Variants in ABAT observed in about 807,000 individuals in gnomAD.
ABAT encodes 4-aminobutyrate aminotransferase, mitochondrial.
Under a neutral mutation model 64.6 loss-of-function variants are expected in ABAT, and 45 were observed. The ratio of observed to expected loss-of-function variants is 0.70; its 90% CI spans 0.55 to 0.89. The LOEUF (loss-of-function observed/expected upper bound fraction) is 0.89, where lower values mean the gene tolerates loss of function less well. Ranked by LOEUF, ABAT falls within the 40% of genes least tolerant of loss-of-function variation. ABAT has a pLI of 0.00. For synonymous variants in ABAT, 297 were observed against 250.5 expected (o/e 1.19, Z -1.75); for missense variants, 633 against 658.4 (o/e 0.96, Z 0.42).
chr16:8,683,303 G>C (rs986109952), intron 1 of ABAT: 6 of 153,362 alleles, frequency 3.9e-5, no homozygotes, highest in African/African-American at 1.4e-4. Flanking sequence ...GGGAGGCTGA[G>C]GCAAGAGGAT....
chr16:8,691,303 C>G (rs1216242066), intron 1 of ABAT, among the ~76,000 whole-genome samples: 1 of 152,188 alleles, frequency 6.6e-6, no homozygotes, highest in Non-Finnish European at 1.5e-5. Context: ...TCCTCAGAAA[C>G]CAAGTGAGGG....
chr16:8,744,018 C>T (rs1379637056), intron 2 of ABAT, among the ~76,000 whole-genome samples: 1 of 152,118 alleles, frequency 6.6e-6, no homozygotes, highest in Non-Finnish European at 1.5e-5. Flanking sequence ...GTTTCAGCAA[C>T]ATGTGGAGCT....
intron 11 of ABAT, among the ~76,000 whole-genome samples, chr16:8,770,008 T>C (rs1039046935): frequency 3.3e-5 from 5 of 152,178 alleles, no homozygotes; most frequent in African/African-American, 1.2e-4. Flanking sequence ...GATAATGGCA[T>C]CAAGTACAGC....
chr16:8,740,138 C>G (rs1183826423), intron 2 of ABAT, among the ~76,000 whole-genome samples: 1 of 152,062 alleles, frequency 6.6e-6, no homozygotes, highest in South Asian at 2.1e-4. Context: ...TTGCCAGAGC[C>G]ACAGAGCTGA....
chr16:8,683,195 G>A (rs1366620086), intron 1 of ABAT: 3 of 152,216 alleles, frequency 2.0e-5, no homozygotes, highest in Non-Finnish European at 4.4e-5. Context: ...AAAGCAGAGT[G>A]GAGATCACTC....
At chr16:8,713,800 T>G in intron 1 of ABAT, 2 of 454,014 alleles carry the variant, frequency 4.4e-6, no homozygotes, top group Admixed American at 2.4e-5. Flanking sequence ...CTCTGCAGAA[T>G]GGCATACAGA....
intron 1 of ABAT, among the ~76,000 whole-genome samples, chr16:8,691,547 C>A (rs2057582082): frequency 6.6e-6 from 1 of 152,124 alleles, no homozygotes; most frequent in Admixed American, 6.5e-5. Context: ...TCAAGCAATT[C>A]TCCTGCCTCA....
At chr16:8,681,011 C>G (rs1162777839) in intron 1 of ABAT, among the ~76,000 whole-genome samples, 1 of 149,906 alleles carries the variant, frequency 6.7e-6, no homozygotes, top group Non-Finnish European at 1.5e-5. Context: ...AGAGTCTCAC[C>G]CTGTCTGTCA....
At position 8,776,237 on chromosome 16, in the gene ABAT, G is replaced by C; in HGVS notation, c.1123-107G>C. The C allele has an allele frequency of 1.3e-6, 2 of 1,494,024 alleles. No homozygotes were observed. The highest frequency in any genetic ancestry group is 1.9e-6 in the Non-Finnish European group (2 of 1,080,348). The allele number at this position is 1,494,024 out of a possible 1,614,324, so 92.5% of individuals were successfully genotyped here. ...GCCAGCCTCTGGTAGATGCCCACTA[G>C]ATTAGTTTCTCTCCTCTTCAAGAGA... On this transcript the variant is annotated intron_variant, in intron 13 of 15. Coordinates refer to ENST00000268251, the MANE Select transcript of ABAT (RefSeq NM_020686.6). The surrounding 1 kb of genome is among the most constrained non-coding windows in gnomAD (Gnocchi z 4.4).
intron 1 of ABAT, among the ~76,000 whole-genome samples, chr16:8,676,068 C>T (rs74009734): frequency 0.071 from 10,716 of 151,982 alleles, 541 homozygotes; most frequent in Admixed American, 0.13. Context: ...GAGCTCTTCT[C>T]TGGTGGGTCA....
rs1377252211 is a variant in ABAT, at chr16:8,733,051, T to TGGGGCGGCTGGC, written c.-41-2647_-41-2636dup. ...CTGATCCCCCCACCTCCCTCCCGGA[T>TGGGGCGGCTGGC]GGGGCGGCTGGCCGGGCGGGGGGCT... On this transcript the variant is annotated intron_variant, in intron 1 of 15. Transcript: ENST00000268251. Among the ~76,000 whole-genome samples the TGGGGCGGCTGGC allele has an allele frequency of 9.5e-3, 1,249 of 130,802 alleles. 91 individuals carry two copies. Among genetic ancestry groups the TGGGGCGGCTGGC allele is most frequent in the African/African-American group, 0.039 (1,188 of 30,208 alleles). 85.8% of individuals were successfully genotyped at this position (130,802 alleles called of 152,430 possible). A position where few individuals can be genotyped will look rare whatever the true frequency, so the allele number is the denominator to read the frequency against.
chr16:8,773,266 C>A (rs1399805105), intron 12 of ABAT, among the ~76,000 whole-genome samples: 1 of 152,054 alleles, frequency 6.6e-6, no homozygotes, highest in Non-Finnish European at 1.5e-5. Context: ...ATTCTCCTAC[C>A]TCAGCCTCCC....
In ABAT at chr16:8,745,501, A is replaced by C. The variant is rs542722451; in HGVS notation, c.71-500A>C. Among the ~76,000 whole-genome samples the C allele has an allele frequency of 3.5e-3, 529 of 152,142 alleles. 8 individuals are homozygous for C. Among genetic ancestry groups the C allele is most frequent in the African/African-American group, 0.012 (506 of 41,502 alleles). ...TGCTTGAGCCCAGGAGTTTGAGGCC[A>C]GCCTGGGCAACATGGCGAAACCCCG... On this transcript the variant is annotated intron_variant, in intron 2 of 15. Coordinates refer to ENST00000268251, the MANE Select transcript of ABAT (RefSeq NM_020686.6).
intron 10 of ABAT, 45 bp from the exon 11 acceptor site, chr16:8,768,780 G>A (rs1406098817): frequency 4.3e-6 from 7 of 1,613,152 alleles, no homozygotes; most frequent in Admixed American, 1.7e-5. Context: ...GGTACTGCCT[G>A]CTTCCCCAAG....
intron 1 of ABAT, among the ~76,000 whole-genome samples, chr16:8,688,716 G>A (rs1355982966): frequency 6.6e-6 from 1 of 152,122 alleles, no homozygotes; most frequent in African/African-American, 2.4e-5. Context: ...GCCTCCTGAA[G>A]TGCCGGGATT....
chr16:8,734,491 C>T lies in ABAT; in HGVS notation c.-41-1208C>T, dbSNP rs79763570. On this transcript the variant is annotated intron_variant, in intron 1 of 15. Coordinates refer to ENST00000268251, the MANE Select transcript of ABAT (RefSeq NM_020686.6). ...CTCTGGGGTCACACACATGTGAGTT[C>T]GGCTTTCAGATCCACCACTTAACCT... Among the ~76,000 whole-genome samples the T allele has an allele frequency of 4.4e-3, 667 of 152,264 alleles. 6 individuals carry two copies. The highest frequency in any genetic ancestry group is 0.015 in the African/African-American group (641 of 41,544).
chr16:8,710,703 A>G (rs1351474568), intron 1 of ABAT, among the ~76,000 whole-genome samples: 2 of 134,074 alleles, frequency 1.5e-5, no homozygotes, highest in Non-Finnish European at 3.3e-5. Flanking sequence ...ACAGAGAGAG[A>G]GAGAGAGAGA....
intron 11 of ABAT, among the ~76,000 whole-genome samples, chr16:8,769,716 G>T (rs1225800509): frequency 6.6e-6 from 1 of 152,226 alleles, no homozygotes; most frequent in East Asian, 1.9e-4. Context: ...CTATGGGAGA[G>T]GCTGAGGACA....
At chr16:8,695,608 A>G (rs985453140) in intron 1 of ABAT, among the ~76,000 whole-genome samples, 17 of 152,234 alleles carry the variant, frequency 1.1e-4, no homozygotes, top group African/African-American at 4.1e-4. Flanking sequence ...AGCATCAGTG[A>G]TGTCTGGAAA....
Sources: gnomAD v4.1 joint callset for allele counts (sites outside exome capture counted in the v4.1 genomes callset) on GRCh38, gnomAD v4.1.1 for gene constraint, Gnocchi (gnomAD v3.1) non-coding constraint, MANE v1.5 for transcripts, NCBI Gene and HGNC (gene_info 2026-07-23, HGNC 2026-07-21) for gene names.